The following TPCN1 variants were observed in gnomAD, a reference collection of about 807,000 sequenced individuals.
TPCN1 encodes the protein two pore segment channel 1, also known as two pore channel protein 1.
Under a neutral mutation model 108.8 loss-of-function variants are expected in TPCN1, and 52 were observed. That is an observed-to-expected ratio of 0.48 (90% CI 0.38 to 0.60). The LOEUF (loss-of-function observed/expected upper bound fraction) is 0.60. Ranked by LOEUF, TPCN1 falls within the 20% of genes least tolerant of loss-of-function variation. The probability of loss-of-function intolerance (pLI) is 0.00; values close to 1 mark genes in which losing one functional copy is unlikely to be tolerated. For missense variants in TPCN1, 806 were observed against 1,072.8 expected, an observed-to-expected ratio of 0.75 and a Z score of 3.47; for synonymous variants, 446 against 433.7, an observed-to-expected ratio of 1.03 and a Z score of -0.35.
chr12:113,223,930 C>T (rs1953371026), intron 1 of TPCN1, among the ~76,000 whole-genome samples: 1 of 152,160 alleles, frequency 6.6e-6, no homozygotes, highest in African/African-American at 2.4e-5. Context: ...ATACTCTTTT[C>T]CCCTTCCTCG....
intron 15 of TPCN1, 101 bp downstream of exon 15, chr12:113,280,296 G>T: frequency 1.1e-6 from 1 of 934,170 alleles, no homozygotes; most frequent in South Asian, 1.6e-5. Context: ...TCCTGTGTTT[G>T]ACTTTTTATT....
At chr12:113,259,367 G>T (rs1954940555) in intron 2 of TPCN1, among the ~76,000 whole-genome samples, 1 of 152,148 alleles carries the variant, frequency 6.6e-6, no homozygotes, top group South Asian at 2.1e-4. Flanking sequence ...CCCAATGAAT[G>T]CGTCATTTCT....
At chr12:113,257,263 G>A (rs770660874) in intron 2 of TPCN1, among the ~76,000 whole-genome samples, 14 of 152,134 alleles carry the variant, frequency 9.2e-5, no homozygotes, top group Non-Finnish European at 1.8e-4. Flanking sequence ...AGGCCGAGGC[G>A]GGCAGATCAC....
At chr12:113,285,847 G>A (rs1956056616) in intron 17 of TPCN1, 42 bp from the exon 18 acceptor site, 3 of 1,551,156 alleles carry the variant, frequency 1.9e-6, no homozygotes, top group Middle Eastern at 1.7e-4. Flanking sequence ...CATGGGGGAG[G>A]ATGTGGCGGG....
rs546242492 is a variant in TPCN1, at chr12:113,273,454, G to A, written c.843-115G>A. On this transcript the variant is annotated intron_variant, in intron 9 of 27. Coordinates refer to ENST00000335509, the MANE Select transcript of TPCN1 (RefSeq NM_017901.6). This position sits in a 1 kb window ranked among gnomAD's most constrained non-coding sequence, Gnocchi z 4.0. Reference sequence around the variant, plus strand: ...ACGGAGCCCAGGGATGAGAGTAGGGGAACCAGGGTTGGAGGCTGGGAAGGC... The same window carrying A: ...ACGGAGCCCAGGGATGAGAGTAGGGAAACCAGGGTTGGAGGCTGGGAAGGC... 53 of 1,247,674 alleles carry A rather than the reference G, an allele frequency of 4.2e-5. No homozygotes were observed. In the African/African-American group the frequency reaches 7.2e-4, roughly 17 times the overall value. The allele number at this position is 1,247,674 out of a possible 1,614,324, so 77.3% of individuals were successfully genotyped here.
intron 3 of TPCN1, among the ~76,000 whole-genome samples, chr12:113,262,409 A>T (rs760800583): frequency 2.6e-4 from 30 of 115,778 alleles, no homozygotes; most frequent in Non-Finnish European, 3.8e-4. Flanking sequence ...GACCCTGTCT[A>T]AAAAAAAAAA....
chr12:113,245,740 A>T (rs903522336), intron 2 of TPCN1, among the ~76,000 whole-genome samples: 1 of 152,012 alleles, frequency 6.6e-6, no homozygotes, highest in Non-Finnish European at 1.5e-5. Context: ...TCTCTGGCCC[A>T]GGCACCAAAG....
intron 12 of TPCN1, 39 bp from the exon 13 acceptor site, chr12:113,278,150 G>A (rs1336701630): frequency 4.4e-6 from 7 of 1,582,936 alleles, no homozygotes; most frequent in South Asian, 2.2e-5. Flanking sequence ...GTGGAACTAT[G>A]TTCTGATATT....
chr12:113,224,997 C>T (rs1953419486), intron 1 of TPCN1, among the ~76,000 whole-genome samples: 1 of 152,066 alleles, frequency 6.6e-6, no homozygotes, highest in Non-Finnish European at 1.5e-5. Context: ...GTGATCCACC[C>T]GTCTCTGCCT....
intron 27 of TPCN1, 79 bp downstream of exon 27, chr12:113,293,428 T>A: frequency 1.5e-6 from 2 of 1,358,970 alleles, no homozygotes; most frequent in Non-Finnish European, 2.1e-6. Context: ...TCTCTGGCCC[T>A]CTGAGTAGAG....
chr12:113,242,945 A>G (rs1954209271), intron 2 of TPCN1, among the ~76,000 whole-genome samples: 2 of 152,340 alleles, frequency 1.3e-5, no homozygotes, highest in Admixed American at 6.5e-5. Flanking sequence ...GGAGAGTTCC[A>G]TGAGGGCGAG....
chr12:113,225,444 T>C (rs1953434767), intron 1 of TPCN1: 1 of 296,970 alleles, frequency 3.4e-6, no homozygotes. Flanking sequence ...AATGTCACTC[T>C]CCAGACAGAA....
chr12:113,288,284 T>G lies in TPCN1; in HGVS notation c.1706+50T>G. On this transcript the variant is annotated intron_variant, in intron 20 of 27. Transcript: ENST00000335509. The surrounding 1 kb of genome is among the most constrained non-coding windows in gnomAD (Gnocchi z 4.8). ...TGCAGGTCCAGGTGCCGTGTGGCAG[T>G]GCCCCGTGGGGGCGGGAGCCGAGTG... is the stretch of plus-strand genomic sequence containing the variant. 1 of 1,612,124 alleles carries G rather than the reference T, an allele frequency of 6.2e-7. No homozygotes were observed. The highest frequency in any genetic ancestry group is 8.5e-7 in the Non-Finnish European group (1 of 1,179,444).
intron 13 of TPCN1, among the ~76,000 whole-genome samples, chr12:113,278,466 T>C (rs1955749644): frequency 6.6e-6 from 1 of 152,144 alleles, no homozygotes; most frequent in South Asian, 2.1e-4. Context: ...TAGACCCCAT[T>C]GGTTATTGTG....
At chr12:113,280,235 T>C (rs1336777906) in intron 15 of TPCN1, 40 bp downstream of exon 15, 2 of 1,559,844 alleles carry the variant, frequency 1.3e-6, no homozygotes, top group South Asian at 1.1e-5. Flanking sequence ...ACTTTCCCCC[T>C]GAGTCCTTTG....
chr12:113,227,047 G>GT, intron 2 of TPCN1, 83 bp downstream of exon 2: 2 of 1,155,970 alleles, frequency 1.7e-6, no homozygotes, highest in Non-Finnish European at 2.4e-6. Context: ...TGGTCTGATA[G>GT]TAGGGGTGTG....
In TPCN1 at chr12:113,284,488, C is replaced by T; in HGVS notation, c.1343-93C>T. 7.0e-7 allele frequency: 1 copy of T among 1,424,996 alleles called. No individual in the cohort carries two copies. Among genetic ancestry groups the T allele is most frequent in the Non-Finnish European group, 9.9e-7 (1 of 1,011,982 alleles). 88.3% of individuals were successfully genotyped at this position (1,424,996 alleles called of 1,614,324 possible). Reference sequence around the variant, plus strand: ...GCCCTGTTCTCCCCATCCCGTAGAGCTCCAGGAAGTTAACCAGGGACTTCA... The same window carrying T: ...GCCCTGTTCTCCCCATCCCGTAGAGTTCCAGGAAGTTAACCAGGGACTTCA... On this transcript the variant is annotated intron_variant, in intron 15 of 27. Coordinates refer to ENST00000335509, the MANE Select transcript of TPCN1 (RefSeq NM_017901.6). This position sits in a 1 kb window ranked among gnomAD's most constrained non-coding sequence, Gnocchi z 4.1.
intron 25 of TPCN1, chr12:113,292,577 C>T (rs1209536369): frequency 4.7e-5 from 10 of 211,642 alleles, no homozygotes; most frequent in South Asian, 8.6e-5. Flanking sequence ...GCCTGGGCAG[C>T]GGAGTGAGAC....
intron 2 of TPCN1, among the ~76,000 whole-genome samples, chr12:113,228,117 T>C (rs536029812): frequency 5.3e-5 from 8 of 152,366 alleles, no homozygotes; most frequent in African/African-American, 1.9e-4. Context: ...TAGGCAGTAT[T>C]ATCCCTATTT....
Sources: gnomAD v4.1 joint callset for allele counts (sites outside exome capture counted in the v4.1 genomes callset) on GRCh38, gnomAD v4.1.1 for gene constraint, Gnocchi (gnomAD v3.1) non-coding constraint, MANE v1.5 for transcripts, NCBI Gene and HGNC (gene_info 2026-07-23, HGNC 2026-07-21) for gene names.